OLFM3: variants seen among roughly 807,000 people sequenced by gnomAD.
OLFM3 encodes the protein noelin-3.
OLFM3 carries 20 observed loss-of-function variants against 48.6 expected under a neutral mutation model. The observed-to-expected ratio is 0.41, with a 90% CI of 0.29 to 0.60. The LOEUF (loss-of-function observed/expected upper bound fraction) is 0.60. Ranked by LOEUF, OLFM3 falls within the 20% of genes least tolerant of loss-of-function variation. The pLI, the probability that OLFM3 is intolerant of heterozygous loss-of-function variation, is 0.28. For missense variants in OLFM3, 437 were observed against 544.3 expected, an observed-to-expected ratio of 0.80 and a Z score of 1.96; for synonymous variants, 222 against 198.1, an observed-to-expected ratio of 1.12 and a Z score of -1.01.
At chr1:101,985,075 A>C (rs1246373736) in intron 1 of OLFM3, among the ~76,000 whole-genome samples, 1 of 152,212 alleles carries the variant, frequency 6.6e-6, no homozygotes, top group Non-Finnish European at 1.5e-5. Context: ...TCCAGCTTCT[A>C]GAGGCAGCCT....
chr1:101,847,078 G>C (rs1656033635), intron 1 of OLFM3: 1 of 1,432,474 alleles, frequency 7.0e-7, no homozygotes, highest in Non-Finnish European at 9.3e-7. Context: ...CATGAAAAGA[G>C]ATCAACTTCC....
chr1:101,896,872 A>C (rs1658228398), intron 1 of OLFM3, among the ~76,000 whole-genome samples: 1 of 152,032 alleles, frequency 6.6e-6, no homozygotes, highest in Non-Finnish European at 1.5e-5. Context: ...ACTCTCACTC[A>C]GAACAAATGC....
chr1:101,969,439 A>G (rs1208025356), intron 1 of OLFM3, among the ~76,000 whole-genome samples: 1 of 152,000 alleles, frequency 6.6e-6, no homozygotes, highest in Non-Finnish European at 1.5e-5. Flanking sequence ...GAGTGCTGGA[A>G]TTACAGGTGT....
At chr1:101,961,075 T>C (rs1660453639) in intron 1 of OLFM3, among the ~76,000 whole-genome samples, 1 of 152,168 alleles carries the variant, frequency 6.6e-6, no homozygotes, top group Non-Finnish European at 1.5e-5. Context: ...CTAGGAGATG[T>C]CTTTTTAGAT....
intron 1 of OLFM3, among the ~76,000 whole-genome samples, chr1:101,963,045 A>C (rs1272680827): frequency 6.6e-6 from 1 of 152,156 alleles, no homozygotes; most frequent in African/African-American, 2.4e-5. Flanking sequence ...AGTTCAGTTG[A>C]TACTAGTAGA....
intron 1 of OLFM3, among the ~76,000 whole-genome samples, chr1:101,847,455 A>G (rs946768800): frequency 5.3e-5 from 8 of 152,324 alleles, no homozygotes; most frequent in Admixed American, 5.2e-4. Flanking sequence ...GCAAGGACAG[A>G]GTGCTTTTAG....
At chr1:101,808,007 T>A (rs1653861345) in intron 4 of OLFM3, among the ~76,000 whole-genome samples, 1 of 151,806 alleles carries the variant, frequency 6.6e-6, no homozygotes, top group South Asian at 2.1e-4. Flanking sequence ...TAAGTAGAAG[T>A]AGTATTATTT....
At chr1:101,832,336 A>G (rs1557693865) in intron 2 of OLFM3, among the ~76,000 whole-genome samples, 1 of 152,230 alleles carries the variant, frequency 6.6e-6, no homozygotes, top group African/African-American at 2.4e-5. Context: ...TGCTAAATGG[A>G]TCAGCCAGCT....
chr1:101,932,926 G>A (rs115477507), intron 1 of OLFM3, among the ~76,000 whole-genome samples: 2,350 of 152,160 alleles, frequency 0.015, 21 homozygotes, highest in African/African-American at 0.021. Context: ...ACAAGAGGCC[G>A]GGCATGGTGG....
chr1:101,850,292 A>G (rs776393965), intron 1 of OLFM3, among the ~76,000 whole-genome samples: 1 of 152,106 alleles, frequency 6.6e-6, no homozygotes, highest in Admixed American at 6.6e-5. Context: ...TTGCTCATGG[A>G]ATGCTGAAAG....
At chr1:101,828,034 G>GTCTCTCTC (rs1557691370) in intron 3 of OLFM3, among the ~76,000 whole-genome samples, 1 of 76,604 alleles carries the variant, frequency 1.3e-5, no homozygotes, top group African/African-American at 4.1e-5. Flanking sequence ...CTCTCTCTCT[G>GTCTCTCTC]TCTGTCTGTC....
At chr1:101,992,378 G>T (rs1052377617) in intron 1 of OLFM3, among the ~76,000 whole-genome samples, 1 of 152,154 alleles carries the variant, frequency 6.6e-6, no homozygotes. Context: ...GAAAAGATGA[G>T]ACCAGGAAGC....
At chr1:101,824,934 A>T (rs1654786021) in intron 4 of OLFM3, 92 bp downstream of exon 4, 1 of 1,082,540 alleles carries the variant, frequency 9.2e-7, no homozygotes, top group African/African-American at 1.6e-5. Flanking sequence ...TTACAATTAG[A>T]TATTTTATGA....
chr1:101,804,941 G>A lies in OLFM3; in HGVS notation c.700-26C>T, dbSNP rs748993475. ...CTGAGAAGAAGGAAAAAAATAAATG[G>A]AGTGACTAAATTCTGTACTTTTCTG... On this transcript the variant is annotated intron_variant, in intron 5 of 5. Transcript: ENST00000370103. This position sits in a 1 kb window ranked among gnomAD's most constrained non-coding sequence, Gnocchi z 4.5. 3.2e-6 allele frequency: 5 copies of A among 1,545,690 alleles called. No homozygotes were observed. The South Asian group carries it at 4.7e-5, about 15-fold the overall frequency.
At chr1:101,904,545 T>C (rs1186995050) in intron 1 of OLFM3, among the ~76,000 whole-genome samples, 1 of 152,046 alleles carries the variant, frequency 6.6e-6, no homozygotes, top group African/African-American at 2.4e-5. Flanking sequence ...TCCTTTAATA[T>C]GTGGAGGGAA....
intron 4 of OLFM3, among the ~76,000 whole-genome samples, chr1:101,811,407 A>G (rs1290806753): frequency 1.3e-5 from 2 of 152,154 alleles, no homozygotes; most frequent in Admixed American, 1.3e-4. Flanking sequence ...CAGGCAACCT[A>G]CAGAATGAGA....
chr1:101,824,102 T>C (rs1654731774), intron 4 of OLFM3, among the ~76,000 whole-genome samples: 1 of 151,856 alleles, frequency 6.6e-6, no homozygotes, highest in Admixed American at 6.6e-5. Flanking sequence ...GAAATTAATC[T>C]TTTGTGTGTG....
chr1:101,857,250 A>T (rs1368280940), intron 1 of OLFM3, among the ~76,000 whole-genome samples: 1 of 152,000 alleles, frequency 6.6e-6, no homozygotes, highest in Non-Finnish European at 1.5e-5. Flanking sequence ...AGACTGTGAA[A>T]AGGAAGTAAC....
chr1:101,962,901 G>T (rs767448838), intron 1 of OLFM3, among the ~76,000 whole-genome samples: 11 of 152,200 alleles, frequency 7.2e-5, no homozygotes. Flanking sequence ...TTACTTGCTT[G>T]AATATTATTA....
Sources: allele counts gnomAD v4.1 joint callset (sites outside exome capture counted in the v4.1 genomes callset), GRCh38; gene constraint gnomAD v4.1.1; non-coding constraint Gnocchi (gnomAD v3.1); transcripts MANE v1.5; gene names NCBI Gene and HGNC (gene_info 2026-07-23, HGNC 2026-07-21).